Variants in FCHO2 observed in about 807,000 individuals in gnomAD.
FCHO2 encodes F-BAR domain only protein 2.
Under a neutral mutation model 114.1 loss-of-function variants are expected in FCHO2, and 43 were observed. That is an observed-to-expected ratio of 0.38 (90% CI 0.30 to 0.49). The LOEUF is 0.49. FCHO2 is among the 20% of genes least tolerant of loss of function. FCHO2 has a pLI of 0.97. For missense variants in FCHO2, 807 were observed against 950.4 expected (o/e 0.85, Z 1.98); for synonymous variants, 293 against 315.2 (o/e 0.93, Z 0.75).
chr5:72,997,135 C>A (rs1364863785), intron 5 of FCHO2: 2 of 1,127,792 alleles, frequency 1.8e-6, no homozygotes, highest in Non-Finnish European at 2.7e-6. Flanking sequence ...TTATTCACTC[C>A]CACCATGATG....
intron 8 of FCHO2, among the ~76,000 whole-genome samples, chr5:73,019,746 A>G (rs562152822): frequency 6.6e-6 from 1 of 152,312 alleles, no homozygotes; most frequent in East Asian, 1.9e-4. Flanking sequence ...CTGCCTTGAT[A>G]AAAAGCCATG....
At position 73,078,288 on chromosome 5, in the gene FCHO2, T is replaced by C; in HGVS notation, c.1956T>C (p.Tyr652=). Residue 652 remains tyrosine (Y), a synonymous_variant, in exon 22 of 26, where the codon TAT becomes TAC. Transcript: ENST00000430046. ...AGCAAAATCCAGCTGCTTCTTATTA[T>C]AATGTAGATGTATTAAAGTATCAGG... ...LSEQNPAASY[Y]NVDVLKYQVS... is the part of the protein sequence containing the mutation. 4 of 1,603,028 alleles carry C rather than the reference T, an allele frequency of 2.5e-6. No homozygotes were observed. Among genetic ancestry groups the C allele is most frequent in the Non-Finnish European group, 3.4e-6 (4 of 1,174,940 alleles).
chr5:73,058,537 A>G lies in FCHO2; in HGVS notation c.1345+13A>G. 1.0e-6 allele frequency: 1 copy of G among 981,308 alleles called. No individual in the cohort carries two copies. Among genetic ancestry groups the G allele is most frequent in the Non-Finnish European group, 1.4e-6 (1 of 695,834 alleles). The allele number at this position is 981,308 out of a possible 1,614,324, so 60.8% of individuals were successfully genotyped here. A position where few individuals can be genotyped will look rare whatever the true frequency, so the allele number is the denominator to read the frequency against. On this transcript the variant is annotated intron_variant, in intron 17 of 25. Transcript: ENST00000430046. ...TCATCATCATCAGGTAAATATATAT[A>G]TGTATATATGTATTTTTTTAAATAA...
At chr5:73,053,904 CAA>C (rs1472485128) in intron 13 of FCHO2, among the ~76,000 whole-genome samples, 3 of 150,068 alleles carry the variant, frequency 2.0e-5, no homozygotes, top group Non-Finnish European at 4.5e-5. Context: ...TTTTAAAAAA[CAA>C]TGAACATGTA....
chr5:72,966,367 C>T (rs933078022), intron 1 of FCHO2, among the ~76,000 whole-genome samples: 3 of 152,106 alleles, frequency 2.0e-5, no homozygotes, highest in Non-Finnish European at 4.4e-5. Context: ...CCAGGCTGGT[C>T]TTGAACACCT....
chr5:73,011,011 G>C (rs1292140918), intron 6 of FCHO2, among the ~76,000 whole-genome samples: 1 of 151,366 alleles, frequency 6.6e-6, no homozygotes, highest in Admixed American at 6.6e-5. Flanking sequence ...GCCTGTTACT[G>C]TACTGAATAC....
At chr5:72,973,388 T>C (rs1043437019) in intron 2 of FCHO2, among the ~76,000 whole-genome samples, 7 of 152,218 alleles carry the variant, frequency 4.6e-5, no homozygotes, top group African/African-American at 1.7e-4. Context: ...GATCCTGTTA[T>C]TGGTCTATTC....
rs1757381963 is a variant in FCHO2, at chr5:73,052,392, A to G, written c.1058A>G (p.Lys353Arg). The G allele has an allele frequency of 6.2e-7, 1 of 1,607,938 alleles. No individual in the cohort carries two copies. The highest frequency in any genetic ancestry group is 8.5e-7 in the Non-Finnish European group (1 of 1,176,886). Reference protein sequence around the residue: ...SDSDSEDEEPKKYRIEIKPMH... With the variant: ...SDSDSEDEEPRKYRIEIKPMH... ...TCTGACTCCGAAGATGAAGAACCAA[A>G]GAAGTATCGGATAGAAATTAAGCCT... The change falls in exon 13 of 26, where the codon AAG (lysine) becomes AGG (arginine). Residue 353 changes from lysine to arginine, a missense_variant. Lys to Arg is a conservative substitution (Grantham distance 26, BLOSUM62 2). Coordinates refer to ENST00000430046, the MANE Select transcript of FCHO2 (RefSeq NM_138782.3).
At chr5:72,996,785 A>G (rs1580070445) in intron 5 of FCHO2, 1 of 633,040 alleles carries the variant, frequency 1.6e-6, no homozygotes, top group East Asian at 2.8e-5. Context: ...CTTGCTCCAT[A>G]CCCCTCTCTG....
chr5:73,071,255 A>G (rs1561493097), intron 19 of FCHO2, among the ~76,000 whole-genome samples: 1 of 152,024 alleles, frequency 6.6e-6, no homozygotes, highest in Non-Finnish European at 1.5e-5. Flanking sequence ...AATAAATCTT[A>G]ATTCTAAAGC....
intron 19 of FCHO2, among the ~76,000 whole-genome samples, chr5:73,073,642 C>G (rs1369705685): frequency 6.6e-6 from 1 of 151,984 alleles, no homozygotes; most frequent in Non-Finnish European, 1.5e-5. Context: ...TCTTTTTTCA[C>G]TATTTATAGC....
chr5:72,970,942 T>C (rs1263833454), intron 2 of FCHO2, among the ~76,000 whole-genome samples: 3 of 152,078 alleles, frequency 2.0e-5, no homozygotes, highest in African/African-American at 4.8e-5. Flanking sequence ...TGAGTGAGAA[T>C]ATGCGGTGTT....
At chr5:73,047,917 A>T (rs1232856788) in intron 11 of FCHO2, among the ~76,000 whole-genome samples, 1 of 151,884 alleles carries the variant, frequency 6.6e-6, no homozygotes, top group Non-Finnish European at 1.5e-5. Context: ...GCTCACTGCA[A>T]CCTCTACCTC....
intron 2 of FCHO2, among the ~76,000 whole-genome samples, chr5:72,976,998 G>A (rs962316978): frequency 1.3e-5 from 2 of 152,110 alleles, no homozygotes; most frequent in Admixed American, 1.3e-4. Flanking sequence ...GTGTATATGT[G>A]CCACATTTTC....
At chr5:72,972,492 GCTCT>G (rs1313822763) in intron 2 of FCHO2, among the ~76,000 whole-genome samples, 1 of 151,970 alleles carries the variant, frequency 6.6e-6, no homozygotes, top group Non-Finnish European at 1.5e-5. Context: ...TCATGATTTG[GCTCT>G]CTGTTTGTCT....
At chr5:72,983,276 A>G (rs1753324564) in intron 2 of FCHO2, among the ~76,000 whole-genome samples, 1 of 152,152 alleles carries the variant, frequency 6.6e-6, no homozygotes, top group South Asian at 2.1e-4. Flanking sequence ...TTCCATAGGT[A>G]TACATGTGCC....
intron 8 of FCHO2, among the ~76,000 whole-genome samples, chr5:73,028,638 A>G (rs974749747): frequency 6.7e-6 from 1 of 149,434 alleles, no homozygotes; most frequent in Non-Finnish European, 1.5e-5. Flanking sequence ...AATACATATT[A>G]TATGATTCTT....
chr5:73,058,138 C>G (rs953302893), intron 16 of FCHO2, among the ~76,000 whole-genome samples: 1 of 151,942 alleles, frequency 6.6e-6, no homozygotes, highest in Non-Finnish European at 1.5e-5. Context: ...TCCTGGATAG[C>G]TAGGACTACA....
At chr5:73,075,345 T>C (rs552063491) in intron 20 of FCHO2, among the ~76,000 whole-genome samples, 1 of 152,110 alleles carries the variant, frequency 6.6e-6, no homozygotes, top group Admixed American at 6.6e-5. Context: ...CATGCAGATA[T>C]CTGAGGAAAG....
Sources: allele counts gnomAD v4.1 joint callset (sites outside exome capture counted in the v4.1 genomes callset), GRCh38; gene constraint gnomAD v4.1.1; transcripts MANE v1.5; gene names NCBI Gene and HGNC (gene_info 2026-07-23, HGNC 2026-07-21).